Variants in GPHN observed in about 807,000 individuals in gnomAD.
GPHN encodes gephyrin.
GPHN carries 17 observed loss-of-function variants against 95.5 expected under a neutral mutation model. The ratio of observed to expected loss-of-function variants is 0.18; its 90% CI spans 0.12 to 0.27. GPHN has a LOEUF of 0.27. Ranked by LOEUF, GPHN falls within the 10% of genes least tolerant of loss-of-function variation. The probability of loss-of-function intolerance (pLI) is 1.00; values close to 1 mark genes in which losing one functional copy is unlikely to be tolerated. For synonymous variants in GPHN, 320 were observed against 322.5 expected (o/e 0.99, Z 0.08); for missense variants, 660 against 978.1 (o/e 0.67, Z 4.34).
the GPHN span, among the ~76,000 whole-genome samples, chr14:67,521,642 G>A: frequency 2.4e-4 from 36 of 152,352 alleles, no homozygotes; most frequent in African/African-American, 8.4e-4. Flanking sequence ...AAGAACTCAT[G>A]ATTCTGTGAT....
chr14:66,792,112 C>T (rs1324351122), intron 3 of GPHN, among the ~76,000 whole-genome samples: 1 of 152,114 alleles, frequency 6.6e-6, no homozygotes, highest in Non-Finnish European at 1.5e-5. Flanking sequence ...GCCCATGACA[C>T]ATGGGAATTA....
At chr14:67,192,916 A>G in the GPHN span, among the ~76,000 whole-genome samples, 92 of 146,758 alleles carry the variant, frequency 6.3e-4, 3 homozygotes, top group Admixed American at 2.0e-3. Context: ...ATATATAGAT[A>G]TATATGTATA....
At chr14:66,752,950 AGAG>A (rs1336764669) in intron 2 of GPHN, among the ~76,000 whole-genome samples, 4 of 148,152 alleles carry the variant, frequency 2.7e-5, no homozygotes, top group Non-Finnish European at 6.0e-5. Flanking sequence ...AAAAAAAAAA[AGAG>A]AAGAGAGATT....
At chr14:67,245,204 T>C in the GPHN span, among the ~76,000 whole-genome samples, 1 of 152,250 alleles carries the variant, frequency 6.6e-6, no homozygotes, top group African/African-American at 2.4e-5. Flanking sequence ...TTTGTTACAT[T>C]GGCATAGGAA....
intron 8 of GPHN, among the ~76,000 whole-genome samples, chr14:66,938,447 T>C (rs1450787969): frequency 6.6e-6 from 1 of 152,170 alleles, no homozygotes; most frequent in African/African-American, 2.4e-5. Flanking sequence ...TCCTTCTGTA[T>C]TCCTTTTTCA....
At chr14:66,885,299 C>A (rs1011723912) in intron 5 of GPHN, among the ~76,000 whole-genome samples, 5 of 151,990 alleles carry the variant, frequency 3.3e-5, no homozygotes, top group African/African-American at 9.7e-5. Flanking sequence ...CAGGATCTCT[C>A]TGATATAACT....
the GPHN span, among the ~76,000 whole-genome samples, chr14:67,275,072 C>T: frequency 1.3e-5 from 2 of 152,304 alleles, no homozygotes; most frequent in South Asian, 4.1e-4. Flanking sequence ...CAAACAGGGA[C>T]AATTTGACTT....
At chr14:67,230,092 A>C in the GPHN span, among the ~76,000 whole-genome samples, 1 of 152,234 alleles carries the variant, frequency 6.6e-6, no homozygotes, top group African/African-American at 2.4e-5. Context: ...TGTTTTCTTC[A>C]TACAGATTAT....
At chr14:67,364,812 G>A in the GPHN span, 2 of 1,613,854 alleles carry the variant, frequency 1.2e-6, no homozygotes, top group Non-Finnish European at 1.7e-6. Flanking sequence ...AATTTCCTGA[G>A]GTGGAAGATG....
the GPHN span, among the ~76,000 whole-genome samples, chr14:67,306,511 ATTTG>A: frequency 7.3e-6 from 1 of 136,806 alleles, no homozygotes; most frequent in Non-Finnish European, 1.5e-5. Flanking sequence ...GCCTGGCTGA[ATTTG>A]TGTGTGTGTG....
intron 1 of GPHN, 130 bp downstream of exon 1, chr14:66,508,721 C>T: frequency 4.9e-6 from 4 of 822,988 alleles, no homozygotes; most frequent in Non-Finnish European, 8.4e-6. Context: ...CGCGGGGGTG[C>T]ATTTTACAAC....
the GPHN span, among the ~76,000 whole-genome samples, chr14:67,354,645 T>C: frequency 1.3e-5 from 2 of 152,242 alleles, no homozygotes; most frequent in East Asian, 1.9e-4. Context: ...ATGTGCTGTC[T>C]ATATAACAGT....
the GPHN span, among the ~76,000 whole-genome samples, chr14:67,505,522 GTGAT>G: frequency 6.6e-6 from 1 of 152,136 alleles, no homozygotes; most frequent in Non-Finnish European, 1.5e-5. Flanking sequence ...CCAGGGATGT[GTGAT>G]TGTTTCCTTG....
chr14:67,703,553 T>C, the GPHN span, among the ~76,000 whole-genome samples: 9 of 152,230 alleles, frequency 5.9e-5, no homozygotes, highest in Non-Finnish European at 1.3e-4. Context: ...ACTTAGACGA[T>C]CCTACATGTT....
intron 3 of GPHN, among the ~76,000 whole-genome samples, chr14:66,799,975 G>A (rs2060286779): frequency 6.6e-6 from 1 of 151,144 alleles, no homozygotes; most frequent in Non-Finnish European, 1.5e-5. Flanking sequence ...ATGTTTTTTG[G>A]TTTGATATTA....
the GPHN span, among the ~76,000 whole-genome samples, chr14:67,518,165 C>T: frequency 1.3e-5 from 2 of 152,194 alleles, no homozygotes; most frequent in Admixed American, 6.5e-5. Flanking sequence ...CACTAACACA[C>T]ACCAAAGGAT....
chr14:67,680,632 C>T, the GPHN span, among the ~76,000 whole-genome samples: 12 of 152,008 alleles, frequency 7.9e-5, no homozygotes, highest in African/African-American at 2.9e-4. Flanking sequence ...CTAATTTTTG[C>T]ATTTTTTATA....
intron 3 of GPHN, among the ~76,000 whole-genome samples, chr14:66,808,572 G>A (rs1196388662): frequency 1.3e-5 from 2 of 152,178 alleles, no homozygotes; most frequent in Non-Finnish European, 2.9e-5. Context: ...AGGCCGAGGC[G>A]AGGATTACGA....
chr14:67,660,416 A>AT, the GPHN span, among the ~76,000 whole-genome samples: 1 of 152,192 alleles, frequency 6.6e-6, no homozygotes, highest in East Asian at 1.9e-4. Context: ...ATATATATAT[A>AT]AAAAATTAAA....
Sources: gnomAD v4.1 joint callset for allele counts (sites outside exome capture counted in the v4.1 genomes callset) on GRCh38, gnomAD v4.1.1 for gene constraint, MANE v1.5 for transcripts, NCBI Gene and HGNC (gene_info 2026-07-23, HGNC 2026-07-21) for gene names.